The following MAP2K6 variants were observed in gnomAD, a reference collection of about 807,000 sequenced individuals.
The protein encoded by MAP2K6 is mitogen-activated protein kinase kinase 6, also known as dual specificity mitogen-activated protein kinase kinase 6.
Under a neutral mutation model 53.7 loss-of-function variants are expected in MAP2K6, and 16 were observed. The ratio of observed to expected loss-of-function variants is 0.30; its 90% CI spans 0.20 to 0.45. The LOEUF is 0.45. Ranked by LOEUF, MAP2K6 falls within the 20% of genes least tolerant of loss-of-function variation. The probability of loss-of-function intolerance (pLI) is 1.00; values close to 1 mark genes in which losing one functional copy is unlikely to be tolerated. For missense variants in MAP2K6, 204 were observed against 411.9 expected, an observed-to-expected ratio of 0.50 and a Z score of 4.37; for synonymous variants, 132 against 143.1, an observed-to-expected ratio of 0.92 and a Z score of 0.55.
chr17:69,485,755 C>G (rs1210393927), intron 1 of MAP2K6, among the ~76,000 whole-genome samples: 2 of 152,180 alleles, frequency 1.3e-5, no homozygotes, highest in East Asian at 3.8e-4. Context: ...CTTGATCCCA[C>G]GTTGTCCCTT....
At chr17:69,447,065 C>T (rs1043534271) in intron 1 of MAP2K6, among the ~76,000 whole-genome samples, 1 of 151,466 alleles carries the variant, frequency 6.6e-6, no homozygotes. Flanking sequence ...GCAACCTCCG[C>T]CTCCCAGGTT....
intron 1 of MAP2K6, among the ~76,000 whole-genome samples, chr17:69,490,290 A>G (rs190064126): frequency 3.6e-4 from 55 of 152,242 alleles, no homozygotes; most frequent in Admixed American, 3.3e-4. Context: ...GCTAATATCC[A>G]TTCTTTATAG....
intron 11 of MAP2K6, among the ~76,000 whole-genome samples, chr17:69,541,055 A>G (rs1308706077): frequency 6.6e-6 from 1 of 152,166 alleles, no homozygotes; most frequent in Non-Finnish European, 1.5e-5. Flanking sequence ...CGAGGTCAGG[A>G]GATCAAGACC....
chr17:69,516,872 A>G lies in MAP2K6; in HGVS notation c.101A>G (p.Asp34Gly). The change falls in exon 3 of 12, where the codon GAC (aspartate) becomes GGC (glycine). Residue 34 changes from aspartate to glycine, a missense_variant. Physicochemically the swap from Asp to Gly is moderately conservative, Grantham distance 94 (BLOSUM62 -1). Transcript: ENST00000590474. The stretch of plus-strand genomic sequence containing the variant: ...TTTCTTAGACCACCTCGAGATTTAG[A>G]CTCCAAGGCTTGCATTTCTATTGGA... The part of the protein sequence containing the change: ...QTSSTPPRDL[D>G]SKACISIGNQ... The G allele has an allele frequency of 6.3e-7, 1 of 1,597,202 alleles. No individual in the cohort carries two copies. The highest frequency in any genetic ancestry group is 8.6e-7 in the Non-Finnish European group (1 of 1,165,658).
intron 1 of MAP2K6, among the ~76,000 whole-genome samples, chr17:69,419,135 G>A (rs1905994980): frequency 6.6e-6 from 1 of 152,030 alleles, no homozygotes; most frequent in Non-Finnish European, 1.5e-5. Context: ...TAACAACCGT[G>A]AATTTTAATT....
chr17:69,421,625 G>A (rs1224967956), intron 1 of MAP2K6, among the ~76,000 whole-genome samples: 2 of 150,896 alleles, frequency 1.3e-5, no homozygotes, highest in African/African-American at 4.9e-5. Flanking sequence ...TGCAACCTCC[G>A]CCTCCTGGGT....
intron 1 of MAP2K6, among the ~76,000 whole-genome samples, chr17:69,449,571 T>G (rs1354998363): frequency 2.8e-5 from 4 of 144,326 alleles, no homozygotes; most frequent in African/African-American, 7.9e-5. Flanking sequence ...ATTTCTTTCT[T>G]TCTTTCTTTC....
At position 69,545,367 on chromosome 17, in the gene MAP2K6, T is replaced by C. The variant is rs2144883747; in HGVS notation, c.*3614T>C. The C allele has an allele frequency of 6.6e-6, 1 of 152,336 alleles. No homozygotes were observed. The highest frequency in any genetic ancestry group is 6.5e-5 in the Admixed American group (1 of 15,302). 9.4% of individuals were successfully genotyped at this position (152,336 alleles called of 1,614,324 possible). A position where few individuals can be genotyped will look rare whatever the true frequency, so the allele number is the denominator to read the frequency against. ...AAGGTCCTGATGTGGGGGAATAATC[T>C]ATTTTTTCTAAAGACTGTGTTTGGT... is the stretch of plus-strand genomic sequence containing the variant. On this transcript the variant is annotated 3_prime_UTR_variant, in exon 12 of 12. Coordinates refer to ENST00000590474, the MANE Select transcript of MAP2K6 (RefSeq NM_002758.4).
intron 1 of MAP2K6, chr17:69,485,581 A>T: frequency 2.9e-6 from 1 of 349,956 alleles, no homozygotes; most frequent in Non-Finnish European, 4.0e-6. Context: ...ACCCCATGGG[A>T]AATCTTGGCA....
chr17:69,485,522 T>G (rs1015248373), intron 1 of MAP2K6: 3 of 914,432 alleles, frequency 3.3e-6, no homozygotes, highest in Non-Finnish European at 3.9e-6. Context: ...ACTCCTTTGC[T>G]GACCTATTGT....
chr17:69,450,876 AT>A (rs1038597303), intron 1 of MAP2K6, among the ~76,000 whole-genome samples: 1 of 152,196 alleles, frequency 6.6e-6, no homozygotes, highest in African/African-American at 2.4e-5. Flanking sequence ...GAAAGTATTT[AT>A]GACACATGCA....
At chr17:69,436,367 A>C (rs1193032007) in intron 1 of MAP2K6, among the ~76,000 whole-genome samples, 1 of 152,190 alleles carries the variant, frequency 6.6e-6, no homozygotes, top group Non-Finnish European at 1.5e-5. Flanking sequence ...TTGTACAGTA[A>C]ATATTTTTTA....
At chr17:69,515,855 T>G (rs1598303105) in intron 2 of MAP2K6, among the ~76,000 whole-genome samples, 1 of 152,294 alleles carries the variant, frequency 6.6e-6, no homozygotes, top group East Asian at 1.9e-4. Context: ...AATTCTTATG[T>G]TCTATGAATT....
intron 1 of MAP2K6, among the ~76,000 whole-genome samples, chr17:69,482,618 A>C (rs1908387005): frequency 6.6e-6 from 1 of 152,004 alleles, no homozygotes; most frequent in Non-Finnish European, 1.5e-5. Context: ...CATAAAAAAA[A>C]CTTCTACATT....
intron 9 of MAP2K6, 98 bp from the exon 10 acceptor site, chr17:69,526,472 C>T (rs890037939): frequency 7.5e-6 from 10 of 1,331,032 alleles, no homozygotes; most frequent in Non-Finnish European, 9.3e-6. Flanking sequence ...TTGAACTTTG[C>T]CTTGTGTTTC....
At chr17:69,507,950 G>A (rs1386473754) in intron 2 of MAP2K6, among the ~76,000 whole-genome samples, 7 of 149,738 alleles carry the variant, frequency 4.7e-5, no homozygotes, top group African/African-American at 1.2e-4. Context: ...AATAATGTCC[G>A]AATAATCTAG....
intron 1 of MAP2K6, among the ~76,000 whole-genome samples, chr17:69,444,931 A>AT (rs1567819813): frequency 3.3e-5 from 5 of 151,904 alleles, no homozygotes; most frequent in South Asian, 4.1e-4. Context: ...TTTTATTTTT[A>AT]TTTTTTGAGA....
At chr17:69,452,125 G>C (rs888821621) in intron 1 of MAP2K6, among the ~76,000 whole-genome samples, 5 of 151,824 alleles carry the variant, frequency 3.3e-5, no homozygotes, top group African/African-American at 9.7e-5. Flanking sequence ...CGGAGGGTGG[G>C]AGGTTACCCC....
chr17:69,528,946 A>G (rs565480933), intron 10 of MAP2K6, among the ~76,000 whole-genome samples: 1 of 151,616 alleles, frequency 6.6e-6, no homozygotes, highest in Non-Finnish European at 1.5e-5. Context: ...GTAATGGGGA[A>G]TGATCTTATC....
Sources: gnomAD v4.1 joint callset for allele counts (sites outside exome capture counted in the v4.1 genomes callset) on GRCh38, gnomAD v4.1.1 for gene constraint, MANE v1.5 for transcripts, NCBI Gene and HGNC (gene_info 2026-07-23, HGNC 2026-07-21) for gene names.